EML6: variants seen among roughly 807,000 people sequenced by gnomAD.
EML6 encodes the protein echinoderm microtubule-associated protein-like 6.
EML6 carries 154 observed loss-of-function variants against 240.1 expected under a neutral mutation model. That is an observed-to-expected ratio of 0.64 (90% CI 0.56 to 0.73). The LOEUF is 0.73. EML6 is among the 30% of genes least tolerant of loss of function. EML6 has a pLI of 0.00. For missense variants in EML6, 2,964 were observed against 2,474.6 expected (o/e 1.20, Z -4.20); for synonymous variants, 1,148 against 899.0 (o/e 1.28, Z -4.95).
At chr2:54,793,603 GC>G (rs1201988392) in intron 2 of EML6, among the ~76,000 whole-genome samples, 1 of 152,102 alleles carries the variant, frequency 6.6e-6, no homozygotes, top group Non-Finnish European at 1.5e-5. Context: ...ACTGCCAGTT[GC>G]CTACCAAATA....
Position 54,959,186 on chromosome 2 carries a change from C to T in EML6, c.4778C>T (p.Ala1593Val). The T allele has an allele frequency of 1.9e-6, 3 of 1,551,662 alleles. No homozygotes were observed. Among genetic ancestry groups the T allele is most frequent in the East Asian group, 4.9e-5 (2 of 40,904 alleles). The change falls in exon 34 of 42, where the codon GCT becomes GTT. Residue 1593 changes from alanine (A) to valine (V), a missense_variant. Physicochemically the swap from Ala to Val is moderately conservative, Grantham distance 64. Coordinates refer to ENST00000356458, the MANE Select transcript of EML6 (RefSeq NM_001039753.4). ...DHFLIRLVAKAHTGPVFTMYT... is the reference protein window; with the variant it reads ...DHFLIRLVAKVHTGPVFTMYT... ...TTCCTCATCCGGCTGGTGGCCAAGGCTCACACAGGCCCCGTGTTCACAATG... is the reference window on the plus strand; with the variant it reads ...TTCCTCATCCGGCTGGTGGCCAAGGTTCACACAGGCCCCGTGTTCACAATG...
At chr2:54,859,470 G>A (rs979043976) in intron 11 of EML6, 64 bp from the exon 12 acceptor site, 21 of 1,272,904 alleles carry the variant, frequency 1.6e-5, no homozygotes, top group Non-Finnish European at 2.3e-5. Context: ...CAGAAGGGGG[G>A]TTGTTTTAAA....
Position 54,847,534 on chromosome 2 carries a change from A to G in EML6, c.1098A>G (p.Glu366=). The G allele has an allele frequency of 6.4e-7, 1 of 1,552,142 alleles. No homozygotes were observed. Among genetic ancestry groups the G allele is most frequent in the Middle Eastern group, 1.7e-4 (1 of 5,984 alleles). Residue 366 remains glutamate, a synonymous_variant, in exon 9 of 42, where the codon GAA becomes GAG. Coordinates refer to ENST00000356458, the MANE Select transcript of EML6 (RefSeq NM_001039753.4). The stretch of plus-strand genomic sequence containing the variant: ...CCTTGATCGCCCGCTGTAACATGGA[A>G]GAGGCGGTTCGCAGTGTAGCTTTCA... ...DHALIARCNM[E]EAVRSVAFSP...
intron 5 of EML6, among the ~76,000 whole-genome samples, chr2:54,825,170 T>A (rs1668527741): frequency 6.6e-6 from 1 of 152,114 alleles, no homozygotes; most frequent in Non-Finnish European, 1.5e-5. Context: ...ATATCCAAAG[T>A]TAAAGGACAA....
chr2:54,755,661 T>C lies in EML6; in HGVS notation c.197+30403T>C, dbSNP rs1261714123. On this transcript the variant is annotated intron_variant, in intron 2 of 41. Transcript: ENST00000356458. ...TTATTTTTGCTAGTATATAGAAATA[T>C]AATTTTTTAGTTTTTTCGAGACAGG... Among the ~76,000 whole-genome samples, 5 of 152,252 alleles carry C rather than the reference T, an allele frequency of 3.3e-5. No homozygotes were observed. The East Asian group carries it at 9.6e-4, about 29-fold the overall frequency.
chr2:54,796,969 C>G (rs1572911159), intron 2 of EML6, among the ~76,000 whole-genome samples: 1 of 151,750 alleles, frequency 6.6e-6, no homozygotes, highest in Non-Finnish European at 1.5e-5. Flanking sequence ...CCAGACCATA[C>G]TGGCTAACGT....
intron 26 of EML6, among the ~76,000 whole-genome samples, chr2:54,920,553 A>T (rs994386483): frequency 6.6e-6 from 1 of 152,212 alleles, no homozygotes; most frequent in Admixed American, 6.5e-5. Context: ...ATGTGGCTTC[A>T]TGTGTGATTT....
chr2:54,884,921 C>T (rs148747085), intron 17 of EML6, among the ~76,000 whole-genome samples: 1 of 152,206 alleles, frequency 6.6e-6, no homozygotes, highest in Non-Finnish European at 1.5e-5. Context: ...TGCCTATAAT[C>T]CCAGCACTCT....
At chr2:54,933,741 G>C (rs962368691) in intron 28 of EML6, among the ~76,000 whole-genome samples, 3 of 149,674 alleles carry the variant, frequency 2.0e-5, no homozygotes, top group African/African-American at 7.4e-5. Flanking sequence ...CAAAAAGAAA[G>C]AAAAAAAAAC....
Position 54,963,972 on chromosome 2 carries a change from T to C in EML6, c.5158-14T>C. 1 of 1,543,622 alleles carries C rather than the reference T, an allele frequency of 6.5e-7. No homozygotes were observed. The highest frequency in any genetic ancestry group is 8.7e-7 in the Non-Finnish European group (1 of 1,143,114). ...GGCCAAGAGCTCAGGTGACTTTCCT[T>C]TGCATCAATGTAGAAGCTGTTAAAC... On this transcript the variant is annotated splice_polypyrimidine_tract_variant and intron_variant, in intron 36 of 41. Transcript: ENST00000356458.
chr2:54,791,510 C>T (rs1036071967), intron 2 of EML6, among the ~76,000 whole-genome samples: 1 of 152,190 alleles, frequency 6.6e-6, no homozygotes, highest in African/African-American at 2.4e-5. Context: ...GCAATGTAAA[C>T]CCTGAAGTTG....
chr2:54,921,387 A>G (rs1163420910), intron 26 of EML6, among the ~76,000 whole-genome samples: 3 of 152,262 alleles, frequency 2.0e-5, no homozygotes, highest in South Asian at 4.1e-4. Flanking sequence ...AAAGAACTGT[A>G]TACTGAAATC....
At chr2:54,815,094 T>C (rs963446819) in intron 3 of EML6, among the ~76,000 whole-genome samples, 3 of 152,266 alleles carry the variant, frequency 2.0e-5, no homozygotes, top group African/African-American at 7.2e-5. Flanking sequence ...ATCAATTTGT[T>C]CTGAAGTGTC....
intron 15 of EML6, among the ~76,000 whole-genome samples, chr2:54,869,589 G>T (rs548813513): frequency 6.6e-6 from 1 of 152,176 alleles, no homozygotes; most frequent in Non-Finnish European, 1.5e-5. Context: ...GGAATGATGA[G>T]ATCTATGAAT....
At chr2:54,834,144 G>A (rs1007159451) in intron 7 of EML6, among the ~76,000 whole-genome samples, 4 of 152,092 alleles carry the variant, frequency 2.6e-5, no homozygotes, top group African/African-American at 9.7e-5. Context: ...GATGTAAGGC[G>A]GCGGTGGCGG....
intron 3 of EML6, among the ~76,000 whole-genome samples, chr2:54,814,321 G>GT (rs1168581911): frequency 6.6e-6 from 1 of 152,134 alleles, no homozygotes; most frequent in Admixed American, 6.6e-5. Flanking sequence ...GTCTCCAAAG[G>GT]TTTTCACAAA....
At chr2:54,801,240 G>A (rs923048076) in intron 2 of EML6, among the ~76,000 whole-genome samples, 3 of 149,038 alleles carry the variant, frequency 2.0e-5, no homozygotes, top group Non-Finnish European at 3.0e-5. Context: ...GAGTGAATCC[G>A]GGAGGTGGAG....
Position 54,964,746 on chromosome 2 carries a change from T to TTTAC in EML6, c.5493+17_5493+20dup. The TTTAC allele has an allele frequency of 6.4e-7, 1 of 1,551,404 alleles. No individual in the cohort carries two copies. Among genetic ancestry groups the TTTAC allele is most frequent in the Admixed American group, 2.0e-5 (1 of 50,984 alleles). ...CAAATACATTCAGGTATGCTTGGGG[T>TTTAC]TTACTTATATCTGGGGCAACCAATA... On this transcript the variant is annotated intron_variant, in intron 38 of 41. Coordinates refer to ENST00000356458, the MANE Select transcript of EML6 (RefSeq NM_001039753.4).
chr2:54,886,096 A>G (rs576663479), intron 17 of EML6, among the ~76,000 whole-genome samples: 15 of 150,578 alleles, frequency 1.0e-4, no homozygotes, highest in African/African-American at 3.4e-4. Flanking sequence ...CCATCACCCA[A>G]CTGTGACAAT....
Sources: allele counts gnomAD v4.1 joint callset (sites outside exome capture counted in the v4.1 genomes callset), GRCh38; gene constraint gnomAD v4.1.1; transcripts MANE v1.5; gene names NCBI Gene and HGNC (gene_info 2026-07-23, HGNC 2026-07-21).